Variants in CES5A observed in about 807,000 individuals in gnomAD.
The protein encoded by CES5A is carboxylesterase 5.
In CES5A, 67 loss-of-function variants were observed where a neutral mutation model predicts 62.9. That is an observed-to-expected ratio of 1.07 (90% CI 0.88 to 1.31). The LOEUF (loss-of-function observed/expected upper bound fraction) is 1.31, where lower values mean the gene tolerates loss of function less well. Ranked by LOEUF, CES5A falls within the 50% of genes most tolerant of loss-of-function variation. The probability of loss-of-function intolerance (pLI) is 0.00; values close to 1 mark genes in which losing one functional copy is unlikely to be tolerated. For synonymous variants in CES5A, 296 were observed against 280.8 expected (o/e 1.05, Z -0.54); for missense variants, 748 against 708.5 (o/e 1.06, Z -0.63).
Position 55,869,629 on chromosome 16 carries a change from C to T in CES5A, c.533G>A (p.Gly178Glu). 1.2e-6 allele frequency: 2 copies of T among 1,613,870 alleles called. No homozygotes were observed. The highest frequency in any genetic ancestry group is 1.7e-6 in the Non-Finnish European group (2 of 1,179,932). Reference protein sequence around the residue: ...VLVVVVQYRLGIFGFFTTWDQ... With the variant: ...VLVVVVQYRLEIFGFFTTWDQ... ...GACTCACGTGAAGAAACCAAATATT[C>T]CTAGCCGGTACTGGACGACCACAAC... Residue 178 changes from glycine to glutamate, a missense_variant, in exon 4 of 13, where the codon GGA (glycine) becomes GAA (glutamate). Transcript: ENST00000290567.
Position 55,846,488 on chromosome 16 carries a change from G to C in CES5A, c.1691C>G (p.Ser564Cys), listed in dbSNP as rs2033011121. 6.2e-7 allele frequency: 1 copy of C among 1,614,030 alleles called. No individual in the cohort carries two copies. Residue 564 changes from serine (S) to cysteine (C), a missense_variant, in exon 13 of 13, where the codon TCT becomes TGT. By Grantham distance (112) the Ser-to-Cys change is moderately radical. Transcript: ENST00000290567. ...AAAGAAAAAGAAAGGCTGGAGGAGA[G>C]AGAGGAAAGTTAAGGAAGAAAGAGG... ...HSPLSSLTFL[S>C]LLQPFFFFCA...
At chr16:55,879,010 C>T (rs1466652068), upstream of CES5A, among the ~76,000 whole-genome samples, 7 of 149,354 alleles carry the variant, frequency 4.7e-5, no homozygotes, top group Non-Finnish European at 8.9e-5. Flanking sequence ...ACCACTTCAC[C>T]CCATCACTGC....
Position 55,871,716 on chromosome 16 carries a change from T to C in CES5A, c.326A>G (p.Lys109Arg). 6.2e-7 allele frequency: 1 copy of C among 1,614,132 alleles called. No homozygotes were observed. The highest frequency in any genetic ancestry group is 2.2e-5 in the East Asian group (1 of 44,858). ...EWLLLDQHML[K>R]VHYPKFGVSE... ...CACTCCGAATTTCGGGTAATGCACC[T>C]TGAGCATATGTTGATCTAAGAGCAG... The change falls in exon 3 of 13, where the codon AAG (lysine) becomes AGG (arginine). Residue 109 changes from lysine to arginine, a missense_variant. Lys to Arg is a conservative substitution (Grantham distance 26). Coordinates refer to ENST00000290567, the MANE Select transcript of CES5A (RefSeq NM_001143685.2).
rs201051381 is a variant in CES5A at position 55,891,512 on chromosome 16, G to T, written c.-255-17475C>A. ...GTAAAATGAACATTGGTTCATTCCA[G>T]AAAGGCAGAACAACTCGAAGCAAAG... On this transcript the variant is annotated intron_variant, in intron 1 of 12. Transcript: ENST00000518005. 5.9e-5 allele frequency among the ~76,000 whole-genome samples: 9 copies of T among 152,322 alleles called. No homozygotes were observed. The East Asian group carries it at 1.7e-3, about 29-fold the overall frequency.
At chr16:55,912,165 G>A (rs1289147251) in intron 1 of CES5A, among the ~76,000 whole-genome samples, 1 of 152,136 alleles carries the variant, frequency 6.6e-6, no homozygotes, top group Middle Eastern at 3.2e-3. Context: ...AGCAGGATTG[G>A]GCCACCAGGG....
At chr16:55,902,940 A>T (rs374102621) in intron 1 of CES5A, among the ~76,000 whole-genome samples, 1 of 152,196 alleles carries the variant, frequency 6.6e-6, no homozygotes, top group East Asian at 1.9e-4. Context: ...AGAGATCAGA[A>T]GAAAGATAGG....
intron 10 of CES5A, among the ~76,000 whole-genome samples, chr16:55,849,984 G>A (rs2033098278): frequency 6.6e-6 from 1 of 152,210 alleles, no homozygotes; most frequent in South Asian, 2.1e-4. Context: ...TGAGAAGGCA[G>A]TAGTTCTGCT....
chr16:55,858,731 T>A (rs1201932985), intron 8 of CES5A, among the ~76,000 whole-genome samples: 3 of 152,346 alleles, frequency 2.0e-5, no homozygotes, highest in Middle Eastern at 3.4e-3. Context: ...TCTATATAAA[T>A]GAGCTTCAAC....
Position 55,856,426 on chromosome 16 carries a change from A to T in CES5A, c.1076T>A (p.Leu359His), listed in dbSNP as rs767276795. 1 of 1,614,040 alleles carries T rather than the reference A, an allele frequency of 6.2e-7. No individual in the cohort carries two copies. The highest frequency in any genetic ancestry group is 1.3e-5 in the African/African-American group (1 of 75,010). The change falls in exon 9 of 13, where the codon CTC becomes CAC. Residue 359 changes from leucine to histidine, a missense_variant. Leu to His is a moderately conservative substitution (Grantham distance 99). Transcript: ENST00000290567. ...LLPMKEAPEI[L>H]SGSNKSLALH... The stretch of plus-strand genomic sequence containing the variant: ...GGCAAGGGACTTGTTGGAGCCACTG[A>T]GGATCTCAGGAGCCTCCTTCTGTGG...
At position 55,932,495 on chromosome 16, in the gene CES5A, C is replaced by T. The variant is rs1438161473; in HGVS notation, c.160+17290G>A. Among the ~76,000 whole-genome samples the T allele has an allele frequency of 6.0e-5, 8 of 133,906 alleles. No individual in the cohort carries two copies. The Admixed American group carries it at 7.3e-4, about 12-fold the overall frequency. 87.8% of individuals were successfully genotyped at this position (133,906 alleles called of 152,430 possible). On this transcript the variant is annotated intron_variant, in intron 2 of 13. Transcript: ENST00000521992. ...TAGTTAGTTGCTTACTTCATTTGTT[C>T]ATTCATTAAATGATAGATTGTTATT... is the stretch of plus-strand genomic sequence containing the variant.
At chr16:55,892,224 A>G (rs976460199) in intron 1 of CES5A, among the ~76,000 whole-genome samples, 2 of 152,182 alleles carry the variant, frequency 1.3e-5, no homozygotes, top group Admixed American at 1.3e-4. Flanking sequence ...GAAAATGTTT[A>G]AATTTACCTA....
rs1798442127 is a variant in CES5A at position 55,857,396 on chromosome 16, G to A, written c.1057-951C>T. 3.3e-5 allele frequency among the ~76,000 whole-genome samples: 5 copies of A among 152,282 alleles called. No homozygotes were observed. The South Asian group carries it at 1.0e-3, about 32-fold the overall frequency. ...GCAAAATTACCGCTTTAAAATGTGA[G>A]GCAGCAGAAACGCTATCCACTTGAC... On this transcript the variant is annotated intron_variant, in intron 8 of 12. Transcript: ENST00000290567.
At chr16:55,926,132 T>A (rs1432756734), upstream of CES5A, among the ~76,000 whole-genome samples, 1 of 152,124 alleles carries the variant, frequency 6.6e-6, no homozygotes, top group South Asian at 2.1e-4. Context: ...TTAACATGGT[T>A]CTGGAATGAA....
In CES5A at chr16:55,869,641, T is replaced by G; in HGVS notation, c.521A>C (p.Gln174Pro). The G allele has an allele frequency of 6.2e-7, 1 of 1,613,934 alleles. No homozygotes were observed. Among genetic ancestry groups the G allele is most frequent in the Non-Finnish European group, 8.5e-7 (1 of 1,179,936 alleles). The change falls in exon 4 of 13, where the codon CAG (glutamine) becomes CCG (proline). Residue 174 changes from glutamine (Q) to proline (P), a missense_variant. Coordinates refer to ENST00000290567, the MANE Select transcript of CES5A (RefSeq NM_001143685.2). The part of the protein sequence containing the change: ...AYEDVLVVVV[Q>P]YRLGIFGFFT... The stretch of plus-strand genomic sequence containing the variant: ...GAAACCAAATATTCCTAGCCGGTAC[T>G]GGACGACCACAACCAGCACGTCCTC...
chr16:55,929,231 T>C (rs1464247553), upstream of CES5A, among the ~76,000 whole-genome samples: 2 of 152,168 alleles, frequency 1.3e-5, no homozygotes, highest in Non-Finnish European at 2.9e-5. Flanking sequence ...AGTCAGACCA[T>C]GAGATGCTTC....
chr16:55,895,378 C>A (rs770649114), intron 1 of CES5A, among the ~76,000 whole-genome samples: 16 of 152,212 alleles, frequency 1.1e-4, no homozygotes, highest in Non-Finnish European at 2.4e-4. Flanking sequence ...CCACGGGGGG[C>A]AGTACTGCCC....
chr16:55,846,711 G>A (rs1443203557), intron 12 of CES5A, 29 bp from the exon 13 acceptor site: 2 of 1,613,336 alleles, frequency 1.2e-6, no homozygotes, highest in Non-Finnish European at 1.7e-6. Context: ...ACAGGGGTGA[G>A]ATTTTCCTCC....
intron 2 of CES5A, among the ~76,000 whole-genome samples, chr16:55,936,115 C>T (rs563192761): frequency 1.3e-5 from 2 of 152,296 alleles, no homozygotes; most frequent in Admixed American, 1.3e-4. Context: ...TCAACTCTCA[C>T]TCCTCCTTGG....
chr16:55,868,923 T>C (rs1427253301), intron 4 of CES5A, among the ~76,000 whole-genome samples: 1 of 151,924 alleles, frequency 6.6e-6, no homozygotes. Flanking sequence ...ATTTTGAGGG[T>C]GAGTTGAAAT....
Sources: allele counts gnomAD v4.1 joint callset (sites outside exome capture counted in the v4.1 genomes callset), GRCh38; gene constraint gnomAD v4.1.1; transcripts MANE v1.5; gene names NCBI Gene and HGNC (gene_info 2026-07-23, HGNC 2026-07-21).